TLL1: variants seen among roughly 807,000 people sequenced by gnomAD.
TLL1 encodes tolloid like 1, also known as tolloid-like protein 1.
A neutral mutation model predicts 128.2 loss-of-function variants in TLL1; 49 were observed. That is an observed-to-expected ratio of 0.38 (90% confidence interval 0.30 to 0.48). TLL1 has a LOEUF of 0.48. Among genes scored for constraint, TLL1 ranks in the 20% least tolerant of loss-of-function variants. The probability of loss-of-function intolerance (pLI) is 0.96; values close to 1 mark genes in which losing one functional copy is unlikely to be tolerated. For synonymous variants in TLL1, 454 were observed against 418.8 expected (o/e 1.08, Z -1.03); for missense variants, 1,123 against 1,242.0 (o/e 0.90, Z 1.44).
At chr4:165,958,654 T>G (rs1379909380) in intron 1 of TLL1, among the ~76,000 whole-genome samples, 1 of 141,088 alleles carries the variant, frequency 7.1e-6, no homozygotes, top group East Asian at 2.1e-4. Flanking sequence ...TCTCCCATTT[T>G]GTAGGTTGCC....
intron 9 of TLL1, among the ~76,000 whole-genome samples, chr4:166,032,694 T>C (rs1201790214): frequency 2.0e-5 from 3 of 152,174 alleles, no homozygotes; most frequent in East Asian, 1.9e-4. Flanking sequence ...CAATGCTTTA[T>C]TTGCTTTCTG....
chr4:165,949,898 A>G (rs1028524255), intron 1 of TLL1, among the ~76,000 whole-genome samples: 2 of 152,116 alleles, frequency 1.3e-5, no homozygotes, highest in Non-Finnish European at 2.9e-5. Flanking sequence ...GAAAAATAAT[A>G]ATAAAATGGC....
At chr4:166,004,323 A>G (rs964545438) in intron 6 of TLL1, among the ~76,000 whole-genome samples, 4 of 152,122 alleles carry the variant, frequency 2.6e-5, no homozygotes, top group African/African-American at 9.7e-5. Context: ...TTTCTTATTC[A>G]TGATCAGTTT....
At position 166,029,295 on chromosome 4, in the gene TLL1, C is replaced by CA. The variant is rs1283742249; in HGVS notation, c.1158+3870dup. ...TTTGTATCTTTAGCCTCTTCCCATT[C>CA]AAAAAAGGATCTTATCCCAATTCAA... On this transcript the variant is annotated intron_variant, in intron 9 of 20. Transcript: ENST00000061240. 6.6e-5 allele frequency among the ~76,000 whole-genome samples: 10 copies of CA among 151,878 alleles called. 1 individual carries two copies. The South Asian group carries it at 1.5e-3, about 22-fold the overall frequency.
At chr4:166,057,133 A>G in intron 13 of TLL1, 51 bp from the exon 14 acceptor site, 2 of 1,608,898 alleles carry the variant, frequency 1.2e-6, no homozygotes, top group South Asian at 1.1e-5. Flanking sequence ...TTTCACATAC[A>G]TACACACATA....
Position 166,042,041 on chromosome 4 carries a change from G to A in TLL1, c.1276G>A (p.Asp426Asn). The change falls in exon 11 of 21, where the codon GAC becomes AAC. Residue 426 changes from aspartate to asparagine, a missense_variant. Around this residue, in one of 3 missense-constraint regions of TLL1, gnomAD observed 480 missense variants for 542.4 expected, o/e 0.89. Transcript: ENST00000061240. ...KSPLLGRFCG[D>N]KLPEVLTSTD... The stretch of plus-strand genomic sequence containing the variant: ...ATTTCTTTTAGGTAGATTCTGTGGG[G>A]ACAAATTGCCTGAAGTTCTTACTTC... The A allele has an allele frequency of 1.2e-6, 2 of 1,610,832 alleles. No individual in the cohort carries two copies. Among genetic ancestry groups the A allele is most frequent in the South Asian group, 2.2e-5 (2 of 91,028 alleles).
At chr4:165,918,074 G>A (rs1262197721) in intron 1 of TLL1, among the ~76,000 whole-genome samples, 2 of 152,006 alleles carry the variant, frequency 1.3e-5, no homozygotes, top group Admixed American at 6.6e-5. Flanking sequence ...ACCCCCCACA[G>A]CATACATATA....
intron 19 of TLL1, among the ~76,000 whole-genome samples, chr4:166,093,106 C>T (rs28630562): frequency 0.012 from 1,867 of 152,218 alleles, 33 homozygotes; most frequent in African/African-American, 0.043. Flanking sequence ...TATTTCTCAT[C>T]AGGTGGGACG....
chr4:165,956,032 G>C (rs1847274), intron 1 of TLL1, among the ~76,000 whole-genome samples: 2,827 of 152,176 alleles, frequency 0.019, 187 homozygotes, highest in Admixed American at 0.12. Context: ...AGGGGAGGGG[G>C]TGTAAAACAG....
intron 12 of TLL1, among the ~76,000 whole-genome samples, chr4:166,052,990 A>AATATATATAT (rs1332919888): frequency 1.2e-4 from 9 of 73,892 alleles, no homozygotes; most frequent in Non-Finnish European, 2.5e-4. Context: ...TATTTGGCCA[A>AATATATATAT]ATTGGGCTTG....
At chr4:166,024,196 C>A (rs1396341718) in intron 8 of TLL1, among the ~76,000 whole-genome samples, 1 of 152,168 alleles carries the variant, frequency 6.6e-6, no homozygotes, top group Admixed American at 6.5e-5. Context: ...TTGTGTTGTA[C>A]AAACATAATA....
chr4:165,877,390 A>T (rs1183259164), intron 1 of TLL1, among the ~76,000 whole-genome samples: 3 of 152,204 alleles, frequency 2.0e-5, no homozygotes, highest in Non-Finnish European at 4.4e-5. Context: ...AATTCAAATG[A>T]ATATCTGTCT....
chr4:165,952,300 T>C (rs1734563102), intron 1 of TLL1, among the ~76,000 whole-genome samples: 1 of 152,146 alleles, frequency 6.6e-6, no homozygotes, highest in African/African-American at 2.4e-5. Flanking sequence ...CAAAATATTA[T>C]GGATTCAGTA....
At chr4:165,883,952 A>G (rs1480288655) in intron 1 of TLL1, among the ~76,000 whole-genome samples, 2 of 152,212 alleles carry the variant, frequency 1.3e-5, no homozygotes, top group Non-Finnish European at 2.9e-5. Flanking sequence ...TTGGCTATAT[A>G]TATAGTCTTT....
intron 18 of TLL1, among the ~76,000 whole-genome samples, chr4:166,082,868 C>G (rs2646917): frequency 0.99 from 150,577 of 152,114 alleles, 74,543 homozygotes; most frequent in Non-Finnish European, 1. Context: ...GTAGAGTCAG[C>G]GTTTTGCTAT....
At chr4:165,891,448 A>C (rs1378224271) in intron 1 of TLL1, among the ~76,000 whole-genome samples, 1 of 152,172 alleles carries the variant, frequency 6.6e-6, no homozygotes, top group Non-Finnish European at 1.5e-5. Flanking sequence ...AATGAATAAA[A>C]CTGAGTGCTT....
chr4:166,045,543 T>A (rs1739424858), intron 12 of TLL1, among the ~76,000 whole-genome samples: 1 of 152,130 alleles, frequency 6.6e-6, no homozygotes, highest in Non-Finnish European at 1.5e-5. Context: ...AGGTCTCTAC[T>A]CTTGCTCTGC....
chr4:166,018,661 C>G (rs1178411588), intron 8 of TLL1, among the ~76,000 whole-genome samples: 1 of 152,070 alleles, frequency 6.6e-6, no homozygotes, highest in East Asian at 1.9e-4. Flanking sequence ...ACAGATACTT[C>G]TCAAAAGAAG....
At chr4:165,944,848 G>T (rs970985873) in intron 1 of TLL1, among the ~76,000 whole-genome samples, 1 of 152,110 alleles carries the variant, frequency 6.6e-6, no homozygotes, top group Non-Finnish European at 1.5e-5. Context: ...AAAGATTTTA[G>T]ATATGCTATG....
Sources: allele counts gnomAD v4.1 joint callset (sites outside exome capture counted in the v4.1 genomes callset), GRCh38; gene constraint gnomAD v4.1.1; regional missense constraint gnomAD v4.1.1; transcripts MANE v1.5; gene names NCBI Gene and HGNC (gene_info 2026-07-23, HGNC 2026-07-21).